The following PLEKHA7 variants were observed in gnomAD, a reference collection of about 807,000 sequenced individuals.
PLEKHA7 encodes pleckstrin homology domain-containing family A member 7.
In PLEKHA7, 104 loss-of-function variants were observed where a neutral mutation model predicts 170.0. That is an observed-to-expected ratio of 0.61 (90% CI 0.52 to 0.72). The LOEUF (loss-of-function observed/expected upper bound fraction) is 0.72, where lower values mean the gene tolerates loss of function less well. Ranked by LOEUF, PLEKHA7 falls within the 30% of genes least tolerant of loss-of-function variation. PLEKHA7 has a pLI of 0.00. For synonymous variants in PLEKHA7, 648 were observed against 660.8 expected (o/e 0.98, Z 0.30); for missense variants, 1,615 against 1,671.7 (o/e 0.97, Z 0.59).
intron 3 of PLEKHA7, among the ~76,000 whole-genome samples, chr11:16,873,539 T>C (rs954263238): frequency 9.9e-5 from 15 of 152,172 alleles, no homozygotes; most frequent in African/African-American, 3.1e-4. Context: ...AGCAGACTAG[T>C]CTTCCCAAAA....
At chr11:16,902,302 T>C (rs144987627) in intron 3 of PLEKHA7, among the ~76,000 whole-genome samples, 68 of 152,358 alleles carry the variant, frequency 4.5e-4, no homozygotes, top group African/African-American at 1.3e-3. Context: ...TAGCTATGAA[T>C]TGCGTACAAG....
chr11:16,783,793 A>ACGTAG lies in PLEKHA7; in HGVS notation c.3552_3556dup (p.Val1186AlafsTer5). 1 of 1,512,192 alleles carries ACGTAG rather than the reference A, an allele frequency of 6.6e-7. No homozygotes were observed. Among genetic ancestry groups the ACGTAG allele is most frequent in the Non-Finnish European group, 8.8e-7 (1 of 1,135,452 alleles). 93.7% of individuals were successfully genotyped at this position (1,512,192 alleles called of 1,614,324 possible). ...GGGTGGCTCTTCGGGATCTAGCTCCACGTAGCGCTCAGGGATTGACACCTT... is the reference window on the plus strand; with the variant it reads ...GGGTGGCTCTTCGGGATCTAGCTCCACGTAGCGTAGCGCTCAGGGATTGACACCTT... On this transcript the variant is annotated frameshift_variant, in exon 25 of 27. Transcript: ENST00000531066. LOFTEE classifies it high-confidence loss of function.
chr11:16,815,275 A>T (rs1471137415), intron 12 of PLEKHA7: 1 of 152,726 alleles, frequency 6.5e-6, no homozygotes, highest in African/African-American at 2.4e-5. Flanking sequence ...CCGGGTGAGA[A>T]GCAACGAGAG....
intron 4 of PLEKHA7, among the ~76,000 whole-genome samples, chr11:16,860,400 G>A (rs1482279431): frequency 6.6e-6 from 1 of 152,054 alleles, no homozygotes; most frequent in Non-Finnish European, 1.5e-5. Context: ...CTCAATCAAC[G>A]GTGTGAGCTG....
At chr11:16,892,443 TG>T (rs1856707618) in intron 3 of PLEKHA7, among the ~76,000 whole-genome samples, 3 of 144,028 alleles carry the variant, frequency 2.1e-5, no homozygotes, top group Admixed American at 6.9e-5. Context: ...TGTTTTGTTT[TG>T]TTTTGTTTTG....
chr11:16,810,777 G>T (rs1318602157), intron 13 of PLEKHA7, among the ~76,000 whole-genome samples: 1 of 152,156 alleles, frequency 6.6e-6, no homozygotes, highest in Non-Finnish European at 1.5e-5. Context: ...AGGCCTTTGG[G>T]TACACAGTGG....
intron 3 of PLEKHA7, among the ~76,000 whole-genome samples, chr11:16,904,700 C>T (rs1357063554): frequency 6.6e-6 from 1 of 152,016 alleles, no homozygotes; most frequent in African/African-American, 2.4e-5. Context: ...TAATATGCCA[C>T]CACTGTTACT....
intron 13 of PLEKHA7, among the ~76,000 whole-genome samples, chr11:16,810,147 G>A (rs1163936766): frequency 6.6e-6 from 1 of 152,242 alleles, no homozygotes; most frequent in African/African-American, 2.4e-5. Flanking sequence ...CTGGCTACAC[G>A]AATTAGTATA....
intron 9 of PLEKHA7, among the ~76,000 whole-genome samples, chr11:16,829,309 C>T (rs920240984): frequency 3.9e-5 from 6 of 152,088 alleles, no homozygotes; most frequent in Non-Finnish European, 7.4e-5. Flanking sequence ...GCCACCCTGC[C>T]GGGGGCCTAA....
At chr11:16,835,088 G>A (rs1218049158) in intron 9 of PLEKHA7, among the ~76,000 whole-genome samples, 1 of 151,828 alleles carries the variant, frequency 6.6e-6, no homozygotes, top group African/African-American at 2.4e-5. Flanking sequence ...TGGGCACCAT[G>A]GTGAAACCTC....
chr11:16,888,905 T>G, intron 3 of PLEKHA7, among the ~76,000 whole-genome samples: 1 of 129,638 alleles, frequency 7.7e-6, no homozygotes, highest in Non-Finnish European at 1.6e-5. Flanking sequence ...AGGGGGAAGA[T>G]AAAAAAAAAA....
intron 17 of PLEKHA7, among the ~76,000 whole-genome samples, chr11:16,798,830 T>C (rs773566792): frequency 1.2e-4 from 19 of 152,314 alleles, no homozygotes; most frequent in Admixed American, 2.0e-4. Context: ...TTGTAAACAA[T>C]GTGAAAAGGC....
chr11:16,905,409 T>C (rs984719489), intron 3 of PLEKHA7, among the ~76,000 whole-genome samples: 1 of 152,180 alleles, frequency 6.6e-6, no homozygotes, highest in African/African-American at 2.4e-5. Flanking sequence ...ATGACCTTCA[T>C]AGTATAAAAG....
chr11:16,970,764 A>C (rs1862661945), intron 3 of PLEKHA7, among the ~76,000 whole-genome samples: 1 of 152,232 alleles, frequency 6.6e-6, no homozygotes, highest in South Asian at 2.1e-4. Context: ...AGATTAGTTA[A>C]GGAAGCAAGA....
intron 7 of PLEKHA7, among the ~76,000 whole-genome samples, 181 bp from the exon 8 acceptor site, chr11:16,851,472 G>A (rs1188580137): frequency 2.0e-5 from 3 of 151,864 alleles, no homozygotes; most frequent in African/African-American, 4.8e-5. Flanking sequence ...TTTTTGAGAC[G>A]GAGTTTCGCT....
chr11:16,804,696 G>C (rs1848826821), intron 13 of PLEKHA7, among the ~76,000 whole-genome samples: 1 of 152,220 alleles, frequency 6.6e-6, no homozygotes, highest in African/African-American at 2.4e-5. Context: ...AATGCTTATT[G>C]AATTGCATTG....
At chr11:16,952,650 T>G (rs1401111383) in intron 3 of PLEKHA7, among the ~76,000 whole-genome samples, 1 of 152,224 alleles carries the variant, frequency 6.6e-6, no homozygotes, top group Admixed American at 6.5e-5. Context: ...GAACCAGAAG[T>G]GTTTCAGATT....
At chr11:16,894,564 G>A (rs1272035682) in intron 3 of PLEKHA7, among the ~76,000 whole-genome samples, 1 of 151,628 alleles carries the variant, frequency 6.6e-6, no homozygotes. Flanking sequence ...GTGTGGCTTT[G>A]GAGCCTGAAC....
At chr11:16,855,662 C>T (rs1853375322) in intron 5 of PLEKHA7, 141 bp downstream of exon 5, 3 of 680,424 alleles carry the variant, frequency 4.4e-6, no homozygotes, top group Non-Finnish European at 7.7e-6. Flanking sequence ...GCCTCAGTTT[C>T]CTGATCTGTC....
Sources: gnomAD v4.1 joint callset for allele counts (sites outside exome capture counted in the v4.1 genomes callset) on GRCh38, gnomAD v4.1.1 for gene constraint, MANE v1.5 for transcripts, NCBI Gene and HGNC (gene_info 2026-07-23, HGNC 2026-07-21) for gene names.